Variants in GATA3 observed in about 807,000 individuals in gnomAD.
GATA3 encodes the protein trans-acting T-cell-specific transcription factor GATA-3.
Under a neutral mutation model 36.0 loss-of-function variants are expected in GATA3, and 6 were observed. The ratio of observed to expected loss-of-function variants is 0.17; its 90% CI spans 0.09 to 0.33. GATA3 has a LOEUF of 0.33. Among genes scored for constraint, GATA3 ranks in the 10% least tolerant of loss-of-function variants. GATA3 has a pLI of 1.00. For missense variants in GATA3, 514 were observed against 610.1 expected (o/e 0.84, Z 1.66); for synonymous variants, 326 against 273.0 (o/e 1.19, Z -1.92).
rs370857881 is a variant in GATA3 at position 8,067,750 on chromosome 10, G to A, written c.925-1723G>A. Among the ~76,000 whole-genome samples the A allele has an allele frequency of 1.7e-4, 26 of 152,282 alleles. No homozygotes were observed. The East Asian group carries it at 3.9e-3, about 23-fold the overall frequency. On this transcript the variant is annotated intron_variant, in intron 4 of 5. Coordinates refer to ENST00000379328, the MANE Select transcript of GATA3 (RefSeq NM_001002295.2). ...GGAGAATGGTGTGAACCCAGGAGGC[G>A]GAGCTTGCAGTGAGCCGAGATCGCG...
chr10:8,058,186 C>A, intron 2 of GATA3, 119 bp from the exon 3 acceptor site: 1 of 1,134,900 alleles, frequency 8.8e-7, no homozygotes, highest in East Asian at 2.4e-5. Context: ...GGCCTGAGCC[C>A]GGGCTTTTGC....
chr10:8,064,209 A>G (rs1832795544), intron 4 of GATA3, 71 bp downstream of exon 4: 4 of 1,594,038 alleles, frequency 2.5e-6, no homozygotes, highest in Admixed American at 1.7e-5. Flanking sequence ...TTCCGGAAGG[A>G]CAGCTTTCTG....
intron 2 of GATA3, among the ~76,000 whole-genome samples, chr10:8,057,860 G>A (rs10905278): frequency 0.036 from 5,469 of 152,222 alleles, 135 homozygotes; most frequent in Non-Finnish European, 0.055. Context: ...CTCACAGCCG[G>A]CTCTCTTATC....
At chr10:8,054,149 T>C (rs1433887309), upstream of GATA3, among the ~76,000 whole-genome samples, 2 of 152,146 alleles carry the variant, frequency 1.3e-5, no homozygotes, top group Admixed American at 6.5e-5. The surrounding 1 kb of genome is among the most constrained non-coding windows in gnomAD (Gnocchi z 4.2). Flanking sequence ...AATCTCAAAA[T>C]ACCTTGACAT....
At position 8,055,993 on chromosome 10, in the gene GATA3, G is replaced by T; in HGVS notation, c.241+97G>T. ...ACCTGAGGGCGGGGAGAGGTCAAGCGAAAGCCCCCATCTGCCGTTCCTGGT... is the reference window on the plus strand; with the variant it reads ...ACCTGAGGGCGGGGAGAGGTCAAGCTAAAGCCCCCATCTGCCGTTCCTGGT... On this transcript the variant is annotated intron_variant, in intron 2 of 5. Coordinates refer to ENST00000379328, the MANE Select transcript of GATA3 (RefSeq NM_001002295.2). The surrounding 1 kb of genome is among the most constrained non-coding windows in gnomAD (Gnocchi z 5.4). The T allele has an allele frequency of 6.7e-7, 1 of 1,484,988 alleles. No individual in the cohort carries two copies. Among genetic ancestry groups the T allele is most frequent in the South Asian group, 1.2e-5 (1 of 82,310 alleles). 92.0% of individuals were successfully genotyped at this position (1,484,988 alleles called of 1,614,324 possible). A position where few individuals can be genotyped will look rare whatever the true frequency, so the allele number is the denominator to read the frequency against.
At position 8,074,199 on chromosome 10, in the gene GATA3, C is replaced by A; in HGVS notation, c.*176C>A. ...GGAGCTCACTGTGGTGTCTGTGTTC[C>A]AACCACTGAATCTGGACCCCATCTG... On this transcript the variant is annotated 3_prime_UTR_variant, in exon 6 of 6. Transcript: ENST00000379328. The A allele has an allele frequency of 1.5e-6, 1 of 678,460 alleles. No homozygotes were observed. The highest frequency in any genetic ancestry group is 2.4e-6 in the Non-Finnish European group (1 of 408,582). 42.0% of individuals were successfully genotyped at this position (678,460 alleles called of 1,614,324 possible).
intron 3 of GATA3, among the ~76,000 whole-genome samples, chr10:8,059,715 A>G (rs893196007): frequency 1.4e-4 from 22 of 152,362 alleles, no homozygotes; most frequent in Middle Eastern, 3.4e-3. Context: ...CATTACTTGC[A>G]TGAAGAAAAA....
At chr10:8,061,307 T>C (rs142803728) in intron 3 of GATA3, among the ~76,000 whole-genome samples, 2 of 152,290 alleles carry the variant, frequency 1.3e-5, no homozygotes, top group African/African-American at 4.8e-5. Context: ...ACTGCCACCT[T>C]TCCAGTTGGG....
rs1832592603 is a variant in GATA3 at position 8,054,796 on chromosome 10, GA to G, written c.-464del. On this transcript the variant is annotated 5_prime_UTR_variant, in exon 1 of 6. Coordinates refer to ENST00000379328, the MANE Select transcript of GATA3 (RefSeq NM_001002295.2). The surrounding 1 kb of genome is among the most constrained non-coding windows in gnomAD (Gnocchi z 4.2). ...GGAGAGAGAGAGAGAAGAAGAGAGAGAGACGGAGGGAGAGCGAGACAGAGCG... is the reference window on the plus strand; with the variant it reads ...GGAGAGAGAGAGAGAAGAAGAGAGAGGACGGAGGGAGAGCGAGACAGAGCG... 4 of 151,058 alleles carry G rather than the reference GA, an allele frequency of 2.6e-5. No homozygotes were observed. The highest frequency in any genetic ancestry group is 5.9e-5 in the Non-Finnish European group (4 of 67,862). The allele number at this position is 151,058 out of a possible 1,614,324, so 9.4% of individuals were successfully genotyped here.
chr10:8,066,505 G>T (rs1832846110), intron 4 of GATA3, among the ~76,000 whole-genome samples: 2 of 149,018 alleles, frequency 1.3e-5, no homozygotes, highest in Non-Finnish European at 1.5e-5. Flanking sequence ...AGAACCCTTT[G>T]TTTTCTTCTT....
intron 3 of GATA3, among the ~76,000 whole-genome samples, chr10:8,059,456 G>A (rs1053299268): frequency 6.6e-6 from 1 of 152,214 alleles, no homozygotes; most frequent in African/African-American, 2.4e-5. Flanking sequence ...TTTGCATTGG[G>A]GAAGCAGAGT....
chr10:8,055,590 G>C lies in GATA3; in HGVS notation c.-66G>C, dbSNP rs1832615886. The C allele has an allele frequency of 6.6e-7, 1 of 1,523,848 alleles. No individual in the cohort carries two copies. The highest frequency in any genetic ancestry group is 1.2e-5 in the South Asian group (1 of 82,140). 94.4% of individuals were successfully genotyped at this position (1,523,848 alleles called of 1,614,324 possible). A position where few individuals can be genotyped will look rare whatever the true frequency, so the allele number is the denominator to read the frequency against. ...GCAGGAGCCCCCCGACCTCCCAGGCGGACCGCCCTCCCTCCCCGCGCGCGG... is the reference window on the plus strand; with the variant it reads ...GCAGGAGCCCCCCGACCTCCCAGGCCGACCGCCCTCCCTCCCCGCGCGCGG... On this transcript the variant is annotated 5_prime_UTR_variant, in exon 2 of 6. Transcript: ENST00000379328. This position sits in a 1 kb window ranked among gnomAD's most constrained non-coding sequence, Gnocchi z 5.4.
upstream of GATA3, among the ~76,000 whole-genome samples, chr10:8,049,398 T>A (rs1194129816): frequency 1.3e-5 from 2 of 152,248 alleles, no homozygotes; most frequent in Non-Finnish European, 2.9e-5. Context: ...CCTCAACCAG[T>A]ATTGCCCACT....
At chr10:8,056,924 A>G (rs529830411) in intron 2 of GATA3, among the ~76,000 whole-genome samples, 2 of 152,342 alleles carry the variant, frequency 1.3e-5, no homozygotes, top group African/African-American at 4.8e-5. Context: ...TTCTGAGTCC[A>G]GCCAGACCGA....
chr10:8,048,747 A>G (rs1300487863), upstream of GATA3, among the ~76,000 whole-genome samples: 7 of 152,194 alleles, frequency 4.6e-5, no homozygotes, highest in African/African-American at 9.7e-5. Flanking sequence ...GCTCCCCCCA[A>G]CTGCCACTCG....
intron 2 of GATA3, among the ~76,000 whole-genome samples, chr10:8,057,512 T>TTTATTGA (rs1157511196): frequency 6.6e-6 from 1 of 152,078 alleles, no homozygotes; most frequent in Admixed American, 6.6e-5. Context: ...TTATTGAGGG[T>TTTATTGA]GCATGGGGCT....
At chr10:8,049,202 G>A (rs1053196986), upstream of GATA3, among the ~76,000 whole-genome samples, 15 of 152,280 alleles carry the variant, frequency 9.9e-5, no homozygotes, top group Non-Finnish European at 1.5e-4. Flanking sequence ...ATTTCACGGG[G>A]AAGGTAGACT....
At chr10:8,045,733 C>CTACCAGT (rs1832379374) in intron 1 of GATA3, among the ~76,000 whole-genome samples, 1 of 152,050 alleles carries the variant, frequency 6.6e-6, no homozygotes, top group African/African-American at 2.4e-5. Flanking sequence ...TGGATGTCCT[C>CTACCAGT]GTTTGCAGGA....
upstream of GATA3, among the ~76,000 whole-genome samples, chr10:8,054,424 G>T (rs1002953236): frequency 5.9e-5 from 9 of 152,222 alleles, no homozygotes; most frequent in South Asian, 4.1e-4. The surrounding 1 kb of genome is among the most constrained non-coding windows in gnomAD (Gnocchi z 4.2). Context: ...CCTCCCGTCC[G>T]CCCCCAAGCC....
Sources: gnomAD v4.1 joint callset for allele counts (sites outside exome capture counted in the v4.1 genomes callset) on GRCh38, gnomAD v4.1.1 for gene constraint, Gnocchi (gnomAD v3.1) non-coding constraint, MANE v1.5 for transcripts, NCBI Gene and HGNC (gene_info 2026-07-23, HGNC 2026-07-21) for gene names.